Variants in DHX38 observed in about 807,000 individuals in gnomAD.
DHX38 encodes pre-mRNA-splicing factor ATP-dependent RNA helicase PRP16.
In DHX38, 100 loss-of-function variants were observed where a neutral mutation model predicts 153.1. That is an observed-to-expected ratio of 0.65 (90% CI 0.56 to 0.77). The LOEUF (loss-of-function observed/expected upper bound fraction) is 0.77. Among genes scored for constraint, DHX38 ranks in the 30% least tolerant of loss-of-function variants. The pLI is 0.00. For missense variants in DHX38, 1,440 were observed against 1,654.0 expected (o/e 0.87, Z 2.24); for synonymous variants, 650 against 631.7 (o/e 1.03, Z -0.43).
In DHX38 at chr16:72,104,571, T is replaced by A; in HGVS notation, c.2096T>A (p.Val699Asp). ...AAGTTTGCTGCCTTTTTTGGGAATG[T>A]CCCCATCTTCCACATCCCTGGCCGT... The part of the protein sequence containing the change: ...AEKFAAFFGN[V>D]PIFHIPGRTF... The change falls in exon 15 of 27, where the codon GTC (valine) becomes GAC (aspartate). Residue 699 changes from valine (V) to aspartate (D), a missense_variant. Physicochemically the swap from Val to Asp is radical, Grantham distance 152. This residue lies in a region of DHX38 where 543 missense variants were observed against 717.9 expected (regional missense o/e 0.76). Coordinates refer to ENST00000268482, the MANE Select transcript of DHX38 (RefSeq NM_014003.4). This position sits in a 1 kb window ranked among gnomAD's most constrained non-coding sequence, Gnocchi z 4.5. The A allele has an allele frequency of 6.2e-7, 1 of 1,614,116 alleles. No individual in the cohort carries two copies. Among genetic ancestry groups the A allele is most frequent in the South Asian group, 1.1e-5 (1 of 91,082 alleles).
intron 1 of DHX38, among the ~76,000 whole-genome samples, chr16:72,095,234 G>A (rs2041994479): frequency 6.6e-6 from 1 of 152,224 alleles, no homozygotes; most frequent in Non-Finnish European, 1.5e-5. Context: ...CAACTTGAGT[G>A]CCAGAAGTCT....
In DHX38 at chr16:72,096,457, T is replaced by C; in HGVS notation, c.300T>C (p.Ala100=). 6.2e-7 allele frequency: 1 copy of C among 1,613,058 alleles called. No individual in the cohort carries two copies. The highest frequency in any genetic ancestry group is 8.5e-7 in the Non-Finnish European group (1 of 1,179,580). ...KDAEEEGGDQ[A]GQNIRKDRHY... ...CTGAGGAAGAGGGCGGTGACCAGGC[T>C]GGCCAAAATATCCGGAAAGACAGGT... The change falls in exon 2 of 27, where the codon GCT becomes GCC. Residue 100 remains alanine, a synonymous_variant. Transcript: ENST00000268482.
chr16:72,110,679 G>A (rs2042243848), intron 25 of DHX38, among the ~76,000 whole-genome samples: 1 of 152,182 alleles, frequency 6.6e-6, no homozygotes, highest in African/African-American at 2.4e-5. Context: ...TCCTAGCATA[G>A]TTGTGAACTT....
intron 25 of DHX38, 67 bp downstream of exon 25, chr16:72,109,577 A>G: frequency 2.1e-6 from 3 of 1,458,622 alleles, no homozygotes; most frequent in Non-Finnish European, 2.8e-6. Flanking sequence ...TCCGCTTGGT[A>G]TTGAAGACTT....
chr16:72,108,029 A>T (rs540653842), intron 21 of DHX38, among the ~76,000 whole-genome samples, 198 bp from the exon 22 acceptor site: 1 of 152,292 alleles, frequency 6.6e-6, no homozygotes, highest in South Asian at 2.1e-4. Flanking sequence ...ATCTTCTAGT[A>T]TGGTTGCTCT....
Position 72,098,778 on chromosome 16 carries a change from TC to T in DHX38, c.751del (p.Arg251GlufsTer7). 1.9e-6 allele frequency: 3 copies of T among 1,614,116 alleles called. No individual in the cohort carries two copies. The highest frequency in any genetic ancestry group is 2.5e-6 in the Non-Finnish European group (3 of 1,180,000). On this transcript the variant is annotated frameshift_variant, in exon 5 of 27. Transcript: ENST00000268482. LOFTEE classifies it high-confidence loss of function. Reference sequence around the variant, plus strand: ...CTGAGCGGAGCCATCGGCTGTCCACTCGAGATCGAGACAGGTGATGTTCTGG... The same window carrying T: ...CTGAGCGGAGCCATCGGCTGTCCACTGAGATCGAGACAGGTGATGTTCTGG... ...DSERSHRLST[R>X]DRDRSVRGKY...
At position 72,104,886 on chromosome 16, in the gene DHX38, GTC is replaced by G. The variant is rs1254482413; in HGVS notation, c.2152-140_2152-139del. 1.1e-6 allele frequency: 1 copy of G among 887,878 alleles called. No homozygotes were observed. The highest frequency in any genetic ancestry group is 1.7e-6 in the Non-Finnish European group (1 of 590,416). The allele number at this position is 887,878 out of a possible 1,614,324, so 55.0% of individuals were successfully genotyped here. On this transcript the variant is annotated intron_variant, in intron 15 of 26. Transcript: ENST00000268482. This position sits in a 1 kb window ranked among gnomAD's most constrained non-coding sequence, Gnocchi z 4.5. ...TGTGCCCTCTTGTAGAGGCCTCGCAGTCAGGCCCATGTGGAGGTGTGGTGGCC... is the reference window on the plus strand; with the variant it reads ...TGTGCCCTCTTGTAGAGGCCTCGCAGAGGCCCATGTGGAGGTGTGGTGGCC...
chr16:72,111,334 T>C (rs1280304652), intron 26 of DHX38, among the ~76,000 whole-genome samples: 1 of 152,242 alleles, frequency 6.6e-6, no homozygotes, highest in African/African-American at 2.4e-5. Context: ...TTCACAGCTT[T>C]ACTCATGAGC....
intron 6 of DHX38, 62 bp from the exon 7 acceptor site, chr16:72,099,142 C>T: frequency 6.3e-7 from 1 of 1,592,572 alleles, no homozygotes; most frequent in Non-Finnish European, 8.6e-7. Context: ...CCCTGCAGAT[C>T]TGTCTGGGGC....
rs749851800 is a variant in DHX38 at position 72,103,208 on chromosome 16, T to C, written c.1634T>C (p.Ile545Thr). The C allele has an allele frequency of 1.9e-6, 3 of 1,613,068 alleles. No individual in the cohort carries two copies. Among genetic ancestry groups the C allele is most frequent in the South Asian group, 1.1e-5 (1 of 91,038 alleles). ...GTGCAGCAGGAGCTGCTCACTATTA[T>C]CAGGTAACTTCACCCGGGGCCCAGG... ...FAVQQELLTI[I>T]RDNSIVIVVG... The change falls in exon 12 of 27, where the codon ATC becomes ACC. Residue 545 changes from isoleucine (I) to threonine (T), a missense_variant. Physicochemically the swap from Ile to Thr is moderately conservative, Grantham distance 89. This residue lies in a region of DHX38 where 241 missense variants were observed against 229.5 expected (regional missense o/e 1.05). Transcript: ENST00000268482.
chr16:72,103,994 A>C lies in DHX38; in HGVS notation c.1873A>C (p.Ile625Leu), dbSNP rs908857728. 1.9e-5 allele frequency: 31 copies of C among 1,614,108 alleles called. No individual in the cohort carries two copies. Among genetic ancestry groups the C allele is most frequent in the Non-Finnish European group, 2.4e-5 (28 of 1,180,038 alleles). The stretch of plus-strand genomic sequence containing the variant: ...AGACTGCACTTCAGAGAACACCTTG[A>C]TCAAATACATGACTGACGGGATCCT... The part of the protein sequence containing the change: ...FEDCTSENTL[I>L]KYMTDGILLR... The change falls in exon 14 of 27, where the codon ATC (isoleucine) becomes CTC (leucine). Residue 625 changes from isoleucine to leucine, a missense_variant. Ile to Leu is a conservative substitution (Grantham distance 5). Around this residue, in one of 6 missense-constraint regions of DHX38, gnomAD observed 21 missense variants for 46.7 expected, o/e 0.45. Transcript: ENST00000268482.
At position 72,110,990 on chromosome 16, in the gene DHX38, C is replaced by T; in HGVS notation, c.3512C>T (p.Ala1171Val). 6.3e-7 allele frequency: 1 copy of T among 1,587,752 alleles called. No individual in the cohort carries two copies. Residue 1171 changes from alanine (A) to valine (V), a missense_variant, in exon 26 of 27, where the codon GCC (alanine) becomes GTC (valine). Coordinates refer to ENST00000268482, the MANE Select transcript of DHX38 (RefSeq NM_014003.4). Reference protein sequence around the residue: ...NRRRAKEEASAMEEEMALAEE... With the variant: ...NRRRAKEEASVMEEEMALAEE... ...CGTCGGGCCAAAGAGGAAGCCTCTG[C>T]CATGGAGGAGGAGATGGCGCTGGCC...
chr16:72,107,481 G>A lies in DHX38; in HGVS notation c.2742G>A (p.Pro914=), dbSNP rs776567584. The part of the protein sequence containing the change: ...QDLLQFHFMD[P]PPEDNMLNSM... The stretch of plus-strand genomic sequence containing the variant: ...TGCTGCAGTTCCACTTCATGGACCC[G>A]CCCCCGGAGGACAACATGCTCAACT... The change falls in exon 20 of 27, where the codon CCG becomes CCA. Residue 914 remains proline (P), a synonymous_variant. Coordinates refer to ENST00000268482, the MANE Select transcript of DHX38 (RefSeq NM_014003.4). The surrounding 1 kb of genome is among the most constrained non-coding windows in gnomAD (Gnocchi z 5.3). 3.5e-5 allele frequency: 57 copies of A among 1,613,992 alleles called. No individual in the cohort carries two copies. The East Asian group carries it at 4.9e-4, about 14-fold the overall frequency.
rs963172083 is a variant in DHX38, at chr16:72,106,018, G to A, written c.2501G>A (p.Arg834Lys). ...GYCKLKVFNPRIGMDALQIYP... is the reference protein window; with the variant it reads ...GYCKLKVFNPKIGMDALQIYP... ...GTCCCCTCCTAGGTCTTCAACCCCA[G>A]GATTGGCATGGATGCTCTGCAGATC... Residue 834 changes from arginine to lysine, a missense_variant, in exon 19 of 27, where the codon AGG (arginine) becomes AAG (lysine). Physicochemically the swap from Arg to Lys is conservative, Grantham distance 26. Around this residue, in one of 6 missense-constraint regions of DHX38, gnomAD observed 543 missense variants for 717.9 expected, o/e 0.76. Coordinates refer to ENST00000268482, the MANE Select transcript of DHX38 (RefSeq NM_014003.4). The A allele has an allele frequency of 2.9e-5, 46 of 1,614,036 alleles. No homozygotes were observed. The highest frequency in any genetic ancestry group is 3.7e-5 in the Non-Finnish European group (44 of 1,180,006).
chr16:72,104,483 C>T lies in DHX38; in HGVS notation c.2011-3C>T. On this transcript the variant is annotated splice_polypyrimidine_tract_variant and splice_region_variant and intron_variant, in intron 14 of 26. Coordinates refer to ENST00000268482, the MANE Select transcript of DHX38 (RefSeq NM_014003.4). This position sits in a 1 kb window ranked among gnomAD's most constrained non-coding sequence, Gnocchi z 4.5. Reference sequence around the variant, plus strand: ...GGGGCCTCCGAGCCGCCTCTTCTCTCAGGTAGTGGCTCGGCGCTCAGACCT... The same window carrying T: ...GGGGCCTCCGAGCCGCCTCTTCTCTTAGGTAGTGGCTCGGCGCTCAGACCT... 1.9e-6 allele frequency: 3 copies of T among 1,613,758 alleles called. No homozygotes were observed. The highest frequency in any genetic ancestry group is 2.5e-6 in the Non-Finnish European group (3 of 1,179,998).
chr16:72,094,915 C>T (rs779691243), intron 1 of DHX38, among the ~76,000 whole-genome samples: 1 of 152,234 alleles, frequency 6.6e-6, no homozygotes, highest in Non-Finnish European at 1.5e-5. Flanking sequence ...TATATCTTTA[C>T]CTTCTTGTGT....
chr16:72,107,240 G>T lies in DHX38; in HGVS notation c.2601-100G>T. The T allele has an allele frequency of 8.0e-7, 1 of 1,250,008 alleles. No homozygotes were observed. The highest frequency in any genetic ancestry group is 1.4e-5 in the South Asian group (1 of 69,188). 77.4% of individuals were successfully genotyped at this position (1,250,008 alleles called of 1,614,324 possible). On this transcript the variant is annotated intron_variant, in intron 19 of 26. Transcript: ENST00000268482. This position sits in a 1 kb window ranked among gnomAD's most constrained non-coding sequence, Gnocchi z 5.3. ...GTGATTCACTGAAGTAGTGGGTGGG[G>T]AGAAGAAATGAGAATTTCCTCCCTC... is the stretch of plus-strand genomic sequence containing the variant.
chr16:72,112,866 G>T lies in DHX38; in HGVS notation c.*369G>T. On this transcript the variant is annotated 3_prime_UTR_variant, in exon 27 of 27. Transcript: ENST00000268482. Reference sequence around the variant, plus strand: ...AAGACCTAAAGGGAATTGTAATTTGGTTATAATTCAGGATTTGGAAATAAA... The same window carrying T: ...AAGACCTAAAGGGAATTGTAATTTGTTTATAATTCAGGATTTGGAAATAAA... 1.4e-6 allele frequency: 1 copy of T among 698,942 alleles called. No individual in the cohort carries two copies. Among genetic ancestry groups the T allele is most frequent in the Non-Finnish European group, 2.6e-6 (1 of 383,568 alleles). 43.3% of individuals were successfully genotyped at this position (698,942 alleles called of 1,614,324 possible).
chr16:72,099,345 T>G, intron 7 of DHX38, 65 bp downstream of exon 7: 2 of 1,412,636 alleles, frequency 1.4e-6, no homozygotes, highest in Non-Finnish European at 1.9e-6. Context: ...GGTGACCCTC[T>G]AGCAGGACTG....
Sources: allele counts gnomAD v4.1 joint callset (sites outside exome capture counted in the v4.1 genomes callset), GRCh38; gene constraint gnomAD v4.1.1; regional missense constraint gnomAD v4.1.1; non-coding constraint Gnocchi (gnomAD v3.1); transcripts MANE v1.5; gene names NCBI Gene and HGNC (gene_info 2026-07-23, HGNC 2026-07-21).